Variants in CIMIP2C observed in about 807,000 individuals in gnomAD.
CIMIP2C encodes UPF0573 protein C2orf70.
the CIMIP2C span, chr2:26,577,538 A>T: frequency 6.2e-7 from 1 of 1,614,116 alleles, no homozygotes. Flanking sequence ...CATCGGAAGT[A>T]CTATCAAGAC....
chr2:26,571,251 G>A, the CIMIP2C span, among the ~76,000 whole-genome samples: 6 of 152,096 alleles, frequency 3.9e-5, no homozygotes, highest in African/African-American at 7.2e-5. Context: ...CAACACCATC[G>A]CCTGGGGAAG....
At chr2:26,576,009 A>G in the CIMIP2C span, 1 of 1,614,052 alleles carries the variant, frequency 6.2e-7, no homozygotes, top group Non-Finnish European at 8.5e-7. Flanking sequence ...GAGAAGAGCC[A>G]CACTCCCTTC....
chr2:26,569,874 T>C, the CIMIP2C span, among the ~76,000 whole-genome samples: 1 of 152,192 alleles, frequency 6.6e-6, no homozygotes, highest in Non-Finnish European at 1.5e-5. Context: ...CATTCCCCTC[T>C]GTTCCTCCCT....
At chr2:26,574,314 G>A in the CIMIP2C span, among the ~76,000 whole-genome samples, 4 of 152,206 alleles carry the variant, frequency 2.6e-5, no homozygotes, top group Non-Finnish European at 5.9e-5. Flanking sequence ...GAACAGTGAG[G>A]TTGTTATGAC....
the CIMIP2C span, among the ~76,000 whole-genome samples, chr2:26,572,872 C>T: frequency 6.6e-6 from 1 of 152,128 alleles, no homozygotes; most frequent in East Asian, 1.9e-4. Context: ...AGGAACCTCC[C>T]CTCCACGTGG....
chr2:26,574,774 C>T, the CIMIP2C span, among the ~76,000 whole-genome samples: 1 of 152,222 alleles, frequency 6.6e-6, no homozygotes, highest in Non-Finnish European at 1.5e-5. Flanking sequence ...CCAACAGCAG[C>T]GTTTCAGGAA....
chr2:26,569,902 A>G, the CIMIP2C span, among the ~76,000 whole-genome samples: 3 of 152,336 alleles, frequency 2.0e-5, no homozygotes, highest in Non-Finnish European at 4.4e-5. Flanking sequence ...CCTGCCACGT[A>G]TCAACACAAA....
the CIMIP2C span, among the ~76,000 whole-genome samples, chr2:26,569,057 A>T: frequency 6.9e-4 from 104 of 151,752 alleles, no homozygotes; most frequent in Non-Finnish European, 1.3e-3. Context: ...AACAATATGA[A>T]CTGAGACATA....
At chr2:26,579,270 C>G in the CIMIP2C span, 1 of 1,612,240 alleles carries the variant, frequency 6.2e-7, no homozygotes, top group Non-Finnish European at 8.5e-7. Flanking sequence ...CACTGCATAA[C>G]ACCAGTCCCA....
chr2:26,576,260 G>A, the CIMIP2C span: 1 of 1,452,680 alleles, frequency 6.9e-7, no homozygotes, highest in South Asian at 1.3e-5. Context: ...AGGGGCCAGG[G>A]GGAGACCTCG....
the CIMIP2C span, among the ~76,000 whole-genome samples, chr2:26,563,968 G>A: frequency 3.3e-5 from 5 of 152,266 alleles, no homozygotes; most frequent in Non-Finnish European, 4.4e-5. Context: ...GTAGTTTCCC[G>A]AAGCCAAGCC....
chr2:26,566,014 G>A, the CIMIP2C span, among the ~76,000 whole-genome samples: 1 of 152,222 alleles, frequency 6.6e-6, no homozygotes, highest in Non-Finnish European at 1.5e-5. Flanking sequence ...ATTTGAAGGG[G>A]TTTGAAGGGA....
At chr2:26,568,386 G>A in the CIMIP2C span, among the ~76,000 whole-genome samples, 2 of 152,254 alleles carry the variant, frequency 1.3e-5, no homozygotes, top group East Asian at 3.9e-4. Context: ...CCCAAGGCCA[G>A]CCCCTATCTC....
chr2:26,574,976 T>G, the CIMIP2C span, among the ~76,000 whole-genome samples: 1 of 152,270 alleles, frequency 6.6e-6, no homozygotes, highest in Non-Finnish European at 1.5e-5. Context: ...AGCTTCCGCA[T>G]TGGCCGCGAG....
chr2:26,577,121 A>G, the CIMIP2C span, among the ~76,000 whole-genome samples: 1 of 152,192 alleles, frequency 6.6e-6, no homozygotes, highest in East Asian at 1.9e-4. Context: ...CTTGGCGCTC[A>G]ACAGAACATG....
At chr2:26,565,240 G>A in the CIMIP2C span, among the ~76,000 whole-genome samples, 57 of 152,142 alleles carry the variant, frequency 3.7e-4, no homozygotes, top group African/African-American at 1.2e-3. Context: ...ACAGGCACGC[G>A]CCACCACAGC....
chr2:26,565,310 C>T, the CIMIP2C span, among the ~76,000 whole-genome samples: 4 of 152,128 alleles, frequency 2.6e-5, no homozygotes, highest in Non-Finnish European at 4.4e-5. Flanking sequence ...AGGCTGGTCT[C>T]GAACTCCTGA....
the CIMIP2C span, chr2:26,578,724 C>T: frequency 2.1e-6 from 1 of 470,958 alleles, no homozygotes; most frequent in South Asian, 1.5e-5. Context: ...ATCTGCCCCC[C>T]ATCCCCATCA....
At chr2:26,572,481 C>G in the CIMIP2C span, among the ~76,000 whole-genome samples, 1 of 152,030 alleles carries the variant, frequency 6.6e-6, no homozygotes, top group Non-Finnish European at 1.5e-5. Context: ...GCTTTGTACC[C>G]CTGTGACCGC....
Sources: allele counts gnomAD v4.1 joint callset (sites outside exome capture counted in the v4.1 genomes callset), GRCh38; gene constraint gnomAD v4.1.1; transcripts MANE v1.5; gene names NCBI Gene and HGNC (gene_info 2026-07-23, HGNC 2026-07-21).